Variants in SRL observed in about 807,000 individuals in gnomAD.
SRL encodes the protein sarcalumenin.
SRL carries 23 observed loss-of-function variants against 39.5 expected under a neutral mutation model. The ratio of observed to expected loss-of-function variants is 0.58; its 90% CI spans 0.42 to 0.82. The LOEUF (loss-of-function observed/expected upper bound fraction) is 0.82. Among genes scored for constraint, SRL ranks in the 40% least tolerant of loss-of-function variants. The pLI is 0.00. For missense variants in SRL, 592 were observed against 607.8 expected (o/e 0.97, Z 0.27); for synonymous variants, 272 against 237.4 (o/e 1.15, Z -1.34).
intron 1 of SRL, among the ~76,000 whole-genome samples, chr16:4,206,092 C>A (rs2052315042): frequency 6.6e-6 from 1 of 152,198 alleles, no homozygotes; most frequent in Admixed American, 6.5e-5. Flanking sequence ...CATGAAGGTG[C>A]CTGACCGACC....
At chr16:4,233,188 G>C (rs1339558005) in intron 1 of SRL, among the ~76,000 whole-genome samples, 1 of 152,364 alleles carries the variant, frequency 6.6e-6, no homozygotes, top group Admixed American at 6.5e-5. Context: ...CAACTCATCA[G>C]GGTGGCCTAA....
chr16:4,200,674 C>CATACCA (rs2052215918), intron 3 of SRL, among the ~76,000 whole-genome samples: 1 of 152,320 alleles, frequency 6.6e-6, no homozygotes, highest in African/African-American at 2.4e-5. Context: ...TCTGCAAGCT[C>CATACCA]ATACCAATAG....
At chr16:4,230,647 C>T (rs2052651015) in intron 1 of SRL, among the ~76,000 whole-genome samples, 2 of 151,992 alleles carry the variant, frequency 1.3e-5, no homozygotes, top group South Asian at 4.2e-4. Context: ...CTTGGCCTCC[C>T]AAAGTGCTGG....
At chr16:4,231,152 C>CA (rs1220265957) in intron 1 of SRL, among the ~76,000 whole-genome samples, 2 of 152,078 alleles carry the variant, frequency 1.3e-5, no homozygotes, top group African/African-American at 4.8e-5. Flanking sequence ...CCTGTCTCTA[C>CA]AAAAAATACA....
intron 1 of SRL, among the ~76,000 whole-genome samples, chr16:4,214,878 C>T (rs1038942355): frequency 4.6e-5 from 7 of 152,008 alleles, no homozygotes; most frequent in Admixed American, 6.6e-5. Flanking sequence ...AGCGATTCTC[C>T]TGCCTCAGCC....
rs983969192 is a variant in SRL at position 4,189,383 on chromosome 16, G to C, written c.*2770C>G. On this transcript the variant is annotated 3_prime_UTR_variant, in exon 6 of 6. Transcript: ENST00000399609. The stretch of plus-strand genomic sequence containing the variant: ...GAGAAAGCACGCGGTGTTAAAGAGA[G>C]ATCGGAACTTTATTGAGACTGATGA... The C allele has an allele frequency of 6.6e-5, 10 of 152,238 alleles. No homozygotes were observed. Among genetic ancestry groups the C allele is most frequent in the African/African-American group, 1.9e-4 (8 of 41,436 alleles). The allele number at this position is 152,238 out of a possible 1,614,324, so 9.4% of individuals were successfully genotyped here. A position where few individuals can be genotyped will look rare whatever the true frequency, so the allele number is the denominator to read the frequency against.
At chr16:4,236,123 G>C (rs1039783534) in intron 1 of SRL, among the ~76,000 whole-genome samples, 1 of 152,170 alleles carries the variant, frequency 6.6e-6, no homozygotes, top group Non-Finnish European at 1.5e-5. Context: ...CTCTACCTCA[G>C]TAAACCCATC....
chr16:4,239,398 C>T (rs1303678974), intron 1 of SRL, among the ~76,000 whole-genome samples: 6 of 152,284 alleles, frequency 3.9e-5, no homozygotes, highest in Middle Eastern at 3.4e-3. Context: ...GGACAGGAAT[C>T]CCCAGATCCC....
At chr16:4,207,223 C>T (rs976413839) in intron 1 of SRL, 1 of 457,010 alleles carries the variant, frequency 2.2e-6, no homozygotes, top group Non-Finnish European at 4.4e-6. Flanking sequence ...CCACTTCCAT[C>T]ACCACTTTCC....
rs2052048659 is a variant in SRL, at chr16:4,190,572, G to A, written c.*1581C>T. On this transcript the variant is annotated 3_prime_UTR_variant, in exon 6 of 6. Coordinates refer to ENST00000399609, the MANE Select transcript of SRL (RefSeq NM_001098814.2). ...CACCACCTGCTGTGGAGCCGTGCAT[G>A]CTAGCCTTGCAAGACTGTTACAAGT... The A allele has an allele frequency of 2.5e-6, 1 of 398,232 alleles. No individual in the cohort carries two copies. The highest frequency in any genetic ancestry group is 4.4e-6 in the Non-Finnish European group (1 of 226,208). The allele number at this position is 398,232 out of a possible 1,614,324, so 24.7% of individuals were successfully genotyped here.
At chr16:4,226,329 G>C (rs2052588525) in intron 1 of SRL, among the ~76,000 whole-genome samples, 1 of 152,148 alleles carries the variant, frequency 6.6e-6, no homozygotes, top group East Asian at 1.9e-4. Flanking sequence ...TGGAAGGATG[G>C]ATGGATGAAC....
At chr16:4,234,816 T>A (rs563800804) in intron 1 of SRL, among the ~76,000 whole-genome samples, 1 of 152,330 alleles carries the variant, frequency 6.6e-6, no homozygotes, top group African/African-American at 2.4e-5. Context: ...AAACCCCTGC[T>A]ATGTAGCTCA....
At chr16:4,222,231 G>A (rs1413944254) in intron 1 of SRL, among the ~76,000 whole-genome samples, 1 of 152,146 alleles carries the variant, frequency 6.6e-6, no homozygotes, top group Non-Finnish European at 1.5e-5. Context: ...CCCTCCTCTG[G>A]TCTGTGTCCC....
chr16:4,228,273 C>T (rs748490040), intron 1 of SRL, among the ~76,000 whole-genome samples: 8 of 152,156 alleles, frequency 5.3e-5, no homozygotes, highest in Non-Finnish European at 1.2e-4. Context: ...CCCCTCTCTA[C>T]TAAAAATACA....
At chr16:4,204,285 C>G (rs1330730172) in intron 2 of SRL, among the ~76,000 whole-genome samples, 1 of 152,212 alleles carries the variant, frequency 6.6e-6, no homozygotes, top group Non-Finnish European at 1.5e-5. Flanking sequence ...CTTGGATGGC[C>G]CTTCCTCCTC....
At chr16:4,222,823 G>T (rs1567186284) in intron 1 of SRL, among the ~76,000 whole-genome samples, 1 of 152,200 alleles carries the variant, frequency 6.6e-6, no homozygotes, top group Non-Finnish European at 1.5e-5. Flanking sequence ...GCGAGATGCG[G>T]TGGCTCACGC....
intron 1 of SRL, chr16:4,207,440 G>T (rs765766195): frequency 6.6e-6 from 3 of 456,856 alleles, no homozygotes; most frequent in South Asian, 4.6e-5. Context: ...CGACGTCAGG[G>T]GCTCCCTCTG....
At chr16:4,221,507 C>T (rs1241876101) in intron 1 of SRL, among the ~76,000 whole-genome samples, 3 of 152,164 alleles carry the variant, frequency 2.0e-5, no homozygotes, top group South Asian at 2.1e-4. Flanking sequence ...CCAGGCTGAC[C>T]CTCCCCGGTC....
Position 4,190,173 on chromosome 16 carries a change from C to A in SRL, c.*1980G>T. 1 of 397,888 alleles carries A rather than the reference C, an allele frequency of 2.5e-6. No individual in the cohort carries two copies. Among genetic ancestry groups the A allele is most frequent in the Non-Finnish European group, 4.4e-6 (1 of 226,052 alleles). The allele number at this position is 397,888 out of a possible 1,614,324, so 24.6% of individuals were successfully genotyped here. On this transcript the variant is annotated 3_prime_UTR_variant, in exon 6 of 6. Coordinates refer to ENST00000399609, the MANE Select transcript of SRL (RefSeq NM_001098814.2). ...CTCCACAAAGCCAAACGCAACGGCC[C>A]CTGTGACAGCATGCACCAGAGTGAT...
Sources: gnomAD v4.1 joint callset for allele counts (sites outside exome capture counted in the v4.1 genomes callset) on GRCh38, gnomAD v4.1.1 for gene constraint, MANE v1.5 for transcripts, NCBI Gene and HGNC (gene_info 2026-07-23, HGNC 2026-07-21) for gene names.